The following DNAJC10 variants were observed in gnomAD, a reference collection of about 807,000 sequenced individuals.
DNAJC10 encodes DnaJ heat shock protein family (Hsp40) member C10.
A neutral mutation model predicts 115.0 loss-of-function variants in DNAJC10; 101 were observed. That is an observed-to-expected ratio of 0.88 (90% CI 0.75 to 1.04). The LOEUF is 1.04. Ranked by LOEUF, DNAJC10 falls within the 50% of genes least tolerant of loss-of-function variation. The pLI is 0.00. For synonymous variants in DNAJC10, 307 were observed against 301.5 expected (o/e 1.02, Z -0.19); for missense variants, 981 against 928.8 (o/e 1.06, Z -0.73).
At position 182,731,097 on chromosome 2, in the gene DNAJC10, A is replaced by T; in HGVS notation, c.795A>T (p.Ser265=). 6.2e-7 allele frequency: 1 copy of T among 1,611,608 alleles called. No individual in the cohort carries two copies. Among genetic ancestry groups the T allele is most frequent in the Non-Finnish European group, 8.5e-7 (1 of 1,178,506 alleles). ...TTGGCTGGCTGATCACTTTTTGTTCAAAAGGAGGAGGTAATACTATTTTTT... is the reference window on the plus strand; with the variant it reads ...TTGGCTGGCTGATCACTTTTTGTTCTAAAGGAGGAGGTAATACTATTTTTT... The part of the protein sequence containing the change: ...AGIGWLITFC[S]KGGDCLTSQT... Residue 265 remains serine (S), a synonymous_variant, in exon 9 of 24, where the codon TCA becomes TCT. Coordinates refer to ENST00000264065, the MANE Select transcript of DNAJC10 (RefSeq NM_018981.4).
At chr2:182,730,389 T>G (rs912607344) in intron 8 of DNAJC10, 20 of 253,518 alleles carry the variant, frequency 7.9e-5, no homozygotes, top group African/African-American at 4.4e-4. Context: ...ATGTTCATTT[T>G]ATTCATTGAG....
At chr2:182,755,208 A>G in intron 17 of DNAJC10, 104 bp downstream of exon 17, 4 of 701,398 alleles carry the variant, frequency 5.7e-6, no homozygotes, top group Non-Finnish European at 1.0e-5. Context: ...TTTCATGCCC[A>G]AACTATTTTC....
rs1431043132 is a variant in DNAJC10, at chr2:182,792,637, A to C, written c.*15505A>C. ...TGATAAATTAGAGGCCTATAACCTC[A>C]AACCAGTTTATCTGCAAGAGAAGTG... On this transcript the variant is annotated 3_prime_UTR_variant, in exon 24 of 24. Transcript: ENST00000264065. 4 of 152,366 alleles carry C rather than the reference A, an allele frequency of 2.6e-5. No homozygotes were observed. Among genetic ancestry groups the C allele is most frequent in the African/African-American group, 9.6e-5 (4 of 41,580 alleles). The allele number at this position is 152,366 out of a possible 1,614,324, so 9.4% of individuals were successfully genotyped here. A position where few individuals can be genotyped will look rare whatever the true frequency, so the allele number is the denominator to read the frequency against.
chr2:182,745,713 GTTTTT>G (rs889347895), intron 14 of DNAJC10, among the ~76,000 whole-genome samples: 1 of 148,058 alleles, frequency 6.8e-6, no homozygotes, highest in African/African-American at 2.5e-5. Flanking sequence ...TTATGGACAA[GTTTTT>G]TTTTTATTTG....
At chr2:182,762,996 C>T (rs1694323635) in intron 22 of DNAJC10, among the ~76,000 whole-genome samples, 195 bp downstream of exon 22, 1 of 152,058 alleles carries the variant, frequency 6.6e-6, no homozygotes, top group African/African-American at 2.4e-5. Flanking sequence ...GTGGTTGATA[C>T]AGACTCAATT....
At chr2:182,741,962 CAT>C (rs528891897) in intron 13 of DNAJC10, among the ~76,000 whole-genome samples, 9 of 151,612 alleles carry the variant, frequency 5.9e-5, no homozygotes, top group Non-Finnish European at 1.2e-4. Context: ...ACAACAATAT[CAT>C]AAACTTTTTC....
At position 182,778,501 on chromosome 2, in the gene DNAJC10, A is replaced by G. The variant is rs1694767335; in HGVS notation, c.*1369A>G. ...AGGTCAATGAATTAAAAGGCTTGCAACTTTTTCAAAAACCTGTTAGAATAT... is the reference window on the plus strand; with the variant it reads ...AGGTCAATGAATTAAAAGGCTTGCAGCTTTTTCAAAAACCTGTTAGAATAT... On this transcript the variant is annotated 3_prime_UTR_variant, in exon 24 of 24. Transcript: ENST00000264065. 6.6e-6 allele frequency: 1 copy of G among 152,164 alleles called. No individual in the cohort carries two copies. 9.4% of individuals were successfully genotyped at this position (152,164 alleles called of 1,614,324 possible). A position where few individuals can be genotyped will look rare whatever the true frequency, so the allele number is the denominator to read the frequency against.
At position 182,783,931 on chromosome 2, in the gene DNAJC10, TATTA is replaced by T. The variant is rs536754520; in HGVS notation, c.*6805_*6808del. On this transcript the variant is annotated 3_prime_UTR_variant, in exon 24 of 24. Coordinates refer to ENST00000264065, the MANE Select transcript of DNAJC10 (RefSeq NM_018981.4). ...GTTAAGACTTTGGAAAGTTAATTTG[TATTA>T]ATTAACTAATATAAATTAATCCTAT... 3.3e-4 allele frequency: 50 copies of T among 152,348 alleles called. No individual in the cohort carries two copies. The highest frequency in any genetic ancestry group is 1.0e-3 in the African/African-American group (43 of 41,590). The allele number at this position is 152,348 out of a possible 1,614,324, so 9.4% of individuals were successfully genotyped here.
In DNAJC10 at chr2:182,718,301, G is replaced by A; in HGVS notation, c.204+11G>A. ...CCTGATAAAAACCCGGTAGGTAAAC[G>A]TTTGTTTTTAAAAATATTTGATTAT... On this transcript the variant is annotated intron_variant, in intron 3 of 23. Transcript: ENST00000264065. The A allele has an allele frequency of 6.4e-7, 1 of 1,562,362 alleles. No homozygotes were observed. The highest frequency in any genetic ancestry group is 8.6e-7 in the Non-Finnish European group (1 of 1,159,428).
chr2:182,718,869 T>C (rs913761974), intron 3 of DNAJC10, among the ~76,000 whole-genome samples: 1 of 152,166 alleles, frequency 6.6e-6, no homozygotes, highest in African/African-American at 2.4e-5. Context: ...TTTATGGTGT[T>C]TTTGTAATTT....
At position 182,755,001 on chromosome 2, in the gene DNAJC10, AGTATAAC is replaced by A. The variant is rs749173142; in HGVS notation, c.1552-1_1557del. The A allele has an allele frequency of 6.4e-7, 1 of 1,558,986 alleles. No homozygotes were observed. Among genetic ancestry groups the A allele is most frequent in the East Asian group, 2.3e-5 (1 of 44,434 alleles). On this transcript the variant is annotated splice_acceptor_variant and coding_sequence_variant, in exon 17 of 24. Coordinates refer to ENST00000264065, the MANE Select transcript of DNAJC10 (RefSeq NM_018981.4). LOFTEE classifies it high-confidence loss of function. ...TTTAATTCATATTCTCCTTCCTATC[AGTATAAC>A]ATTCAGGCTTATCCAACAACAGTGG...
intron 10 of DNAJC10, among the ~76,000 whole-genome samples, chr2:182,734,383 T>G (rs11901549): frequency 0.64 from 97,523 of 151,230 alleles, 31,781 homozygotes; most frequent in Middle Eastern, 0.74. Flanking sequence ...ATCATAAAGG[T>G]TATTTTTAAA....
chr2:182,785,305 T>A lies in DNAJC10; in HGVS notation c.*8173T>A, dbSNP rs928208835. The stretch of plus-strand genomic sequence containing the variant: ...GGACTAATAGCTTAATTTTTTTTTT[T>A]AATTCAAAAATCTCAGGGTTTTCTG... On this transcript the variant is annotated 3_prime_UTR_variant, in exon 24 of 24. Coordinates refer to ENST00000264065, the MANE Select transcript of DNAJC10 (RefSeq NM_018981.4). The A allele has an allele frequency of 5.9e-5, 9 of 152,220 alleles. No individual in the cohort carries two copies. Among genetic ancestry groups the A allele is most frequent in the Middle Eastern group, 3.4e-3 (1 of 294 alleles). 9.4% of individuals were successfully genotyped at this position (152,220 alleles called of 1,614,324 possible). A position where few individuals can be genotyped will look rare whatever the true frequency, so the allele number is the denominator to read the frequency against.
Position 182,738,495 on chromosome 2 carries a change from T to C in DNAJC10, c.988-1804T>C, listed in dbSNP as rs917430058. The stretch of plus-strand genomic sequence containing the variant: ...ACTCTGGAAATGTAATAACAGGGAG[T>C]GGTGAATTAAACATTACTTGTCCCT... On this transcript the variant is annotated intron_variant, in intron 11 of 23. Coordinates refer to ENST00000264065, the MANE Select transcript of DNAJC10 (RefSeq NM_018981.4). Among the ~76,000 whole-genome samples, 10 of 151,448 alleles carry C rather than the reference T, an allele frequency of 6.6e-5. No individual in the cohort carries two copies. In the South Asian group the frequency reaches 1.5e-3, roughly 22 times the overall value.
chr2:182,721,189 A>G (rs1201842124), intron 4 of DNAJC10, among the ~76,000 whole-genome samples: 1 of 152,088 alleles, frequency 6.6e-6, no homozygotes, highest in Admixed American at 6.6e-5. Flanking sequence ...TAAATGAAGT[A>G]TTTTAAATTT....
In DNAJC10 at chr2:182,756,349, C is replaced by T. The variant is rs1465110209; in HGVS notation, c.1689C>T (p.Pro563=). 1 of 1,613,742 alleles carries T rather than the reference C, an allele frequency of 6.2e-7. No homozygotes were observed. Among genetic ancestry groups the T allele is most frequent in the African/African-American group, 1.3e-5 (1 of 74,888 alleles). ...LMNPSVVSLT[P]TTFNELVTQR... ...ATCCTTCAGTGGTCTCCCTTACACCCACCACCTTCAACGAACTAGTTACAC... is the reference window on the plus strand; with the variant it reads ...ATCCTTCAGTGGTCTCCCTTACACCTACCACCTTCAACGAACTAGTTACAC... The change falls in exon 18 of 24, where the codon CCC becomes CCT. Residue 563 remains proline, a synonymous_variant. Coordinates refer to ENST00000264065, the MANE Select transcript of DNAJC10 (RefSeq NM_018981.4).
intron 14 of DNAJC10, among the ~76,000 whole-genome samples, chr2:182,749,764 A>G (rs1022537403): frequency 5.9e-5 from 9 of 152,212 alleles, no homozygotes; most frequent in Non-Finnish European, 1.3e-4. Context: ...AATTACCCCA[A>G]AACTCAGTGG....
chr2:182,781,101 ATGT>A lies in DNAJC10; in HGVS notation c.*3973_*3975del, dbSNP rs1268834663. On this transcript the variant is annotated 3_prime_UTR_variant, in exon 24 of 24. Transcript: ENST00000264065. ...TCATCTACATTAGCTATTTCTTCTA[ATGT>A]TGTCCTTCCCCTTGCCCCCTACCCC... is the stretch of plus-strand genomic sequence containing the variant. 1 of 151,874 alleles carries A rather than the reference ATGT, an allele frequency of 6.6e-6. No individual in the cohort carries two copies. Among genetic ancestry groups the A allele is most frequent in the Non-Finnish European group, 1.5e-5 (1 of 68,022 alleles). The allele number at this position is 151,874 out of a possible 1,614,324, so 9.4% of individuals were successfully genotyped here.
chr2:182,743,840 A>G, intron 14 of DNAJC10, 128 bp downstream of exon 14: 1 of 637,712 alleles, frequency 1.6e-6, no homozygotes, highest in South Asian at 2.0e-5. Flanking sequence ...AGTAAATATG[A>G]GGACAGATAT....
Sources: gnomAD v4.1 joint callset for allele counts (sites outside exome capture counted in the v4.1 genomes callset) on GRCh38, gnomAD v4.1.1 for gene constraint, MANE v1.5 for transcripts, NCBI Gene and HGNC (gene_info 2026-07-23, HGNC 2026-07-21) for gene names.